The following TYW1 variants were observed in gnomAD, a reference collection of about 807,000 sequenced individuals.
The protein encoded by TYW1 is tRNA-yW synthesizing protein 1 homolog, also known as S-adenosyl-L-methionine-dependent tRNA 4-demethylwyosine synthase TYW1.
TYW1 carries 46 observed loss-of-function variants against 96.2 expected under a neutral mutation model. That is an observed-to-expected ratio of 0.48 (90% confidence interval 0.38 to 0.61). TYW1 has a LOEUF of 0.61. TYW1 is among the 20% of genes least tolerant of loss of function. The probability of loss-of-function intolerance (pLI) is 0.00; values close to 1 mark genes in which losing one functional copy is unlikely to be tolerated. For missense variants in TYW1, 684 were observed against 909.6 expected, an observed-to-expected ratio of 0.75 and a Z score of 3.19; for synonymous variants, 274 against 323.0, an observed-to-expected ratio of 0.85 and a Z score of 1.63.
At chr7:67,010,518 C>A (rs1028441761) in intron 4 of TYW1, among the ~76,000 whole-genome samples, 1 of 151,592 alleles carries the variant, frequency 6.6e-6, no homozygotes, top group Non-Finnish European at 1.5e-5. Flanking sequence ...CTCTGTCACC[C>A]AGGCTGGAGT....
At chr7:67,054,979 G>T (rs1476167170) in intron 8 of TYW1, among the ~76,000 whole-genome samples, 1 of 152,088 alleles carries the variant, frequency 6.6e-6, no homozygotes, top group Non-Finnish European at 1.5e-5. Context: ...TTCTCTCTTT[G>T]GGTCAGCATT....
At chr7:67,177,956 C>G (rs1175080855) in intron 13 of TYW1, among the ~76,000 whole-genome samples, 1 of 147,038 alleles carries the variant, frequency 6.8e-6, no homozygotes, top group Non-Finnish European at 1.5e-5. Flanking sequence ...GAGTTCGAGA[C>G]CAGCCTGGGC....
At position 67,238,390 on chromosome 7, in the gene TYW1, G is replaced by A. The variant is rs1479319818; in HGVS notation, c.2060G>A (p.Gly687Glu). ...ATCCAGGAATATGAAGATAGTGGTG[G>A]ATCAAAAACGTTCAGCGCAAAGGAT... ...ELIQEYEDSG[G>E]SKTFSAKDYM... Residue 687 changes from glycine (G) to glutamate (E), a missense_variant, in exon 16 of 16, where the codon GGA (glycine) becomes GAA (glutamate). By Grantham distance (98) the Gly-to-Glu change is moderately conservative (BLOSUM62 -2). Transcript: ENST00000359626. 1.9e-6 allele frequency: 3 copies of A among 1,613,652 alleles called. No individual in the cohort carries two copies. The highest frequency in any genetic ancestry group is 2.5e-6 in the Non-Finnish European group (3 of 1,179,816).
At chr7:67,020,346 C>T (rs1351257078) in intron 6 of TYW1, among the ~76,000 whole-genome samples, 1 of 25,830 alleles carries the variant, frequency 3.9e-5, no homozygotes, top group South Asian at 1.2e-3. Context: ...TCAAGCAGTT[C>T]TCCTGCCTCA....
chr7:67,150,454 C>T (rs1798759913), intron 13 of TYW1, among the ~76,000 whole-genome samples: 1 of 152,136 alleles, frequency 6.6e-6, no homozygotes, highest in African/African-American at 2.4e-5. Flanking sequence ...AAGATTATAT[C>T]CTACAACATC....
intron 13 of TYW1, among the ~76,000 whole-genome samples, chr7:67,146,540 A>AG (rs1200563410): frequency 6.6e-6 from 1 of 151,970 alleles, no homozygotes; most frequent in Non-Finnish European, 1.5e-5. Context: ...GTGTAAACAA[A>AG]GCCCAACCAC....
intron 15 of TYW1, among the ~76,000 whole-genome samples, chr7:67,207,314 T>G (rs531942582): frequency 3.3e-4 from 51 of 152,352 alleles, no homozygotes; most frequent in African/African-American, 1.2e-3. Context: ...TTGTCTTCCC[T>G]TCTGGAATCA....
intron 13 of TYW1, among the ~76,000 whole-genome samples, chr7:67,156,992 A>G (rs1231247589): frequency 6.6e-6 from 1 of 151,952 alleles, no homozygotes; most frequent in Non-Finnish European, 1.5e-5. Flanking sequence ...TCTGTGTCTT[A>G]GACATTCTCA....
intron 3 of TYW1, among the ~76,000 whole-genome samples, chr7:67,007,584 G>A (rs560750394): frequency 6.6e-6 from 1 of 152,000 alleles, no homozygotes; most frequent in Admixed American, 6.6e-5. Flanking sequence ...TATCCAAACC[G>A]TATCAGTCCT....
chr7:67,083,805 C>T lies in TYW1; in HGVS notation c.1384+266C>T, dbSNP rs112989226. Reference sequence around the variant, plus strand: ...ATCCCAGCACTTTGGGAGGCCGAGGCGGGTGGATCACCTGAGGTCAGGAGT... The same window carrying T: ...ATCCCAGCACTTTGGGAGGCCGAGGTGGGTGGATCACCTGAGGTCAGGAGT... On this transcript the variant is annotated intron_variant, in intron 11 of 15. Transcript: ENST00000359626. 0.064 allele frequency among the ~76,000 whole-genome samples: 9,793 copies of T among 152,242 alleles called. 437 individuals are homozygous for T. Among genetic ancestry groups the T allele is most frequent in the South Asian group, 0.11 (552 of 4,826 alleles).
At chr7:67,005,274 G>A (rs1277017112) in intron 3 of TYW1, among the ~76,000 whole-genome samples, 1 of 151,976 alleles carries the variant, frequency 6.6e-6, no homozygotes, top group African/African-American at 2.4e-5. Context: ...ATCTCACTGG[G>A]GTTCTCTGCA....
chr7:67,156,120 G>C (rs955687040), intron 13 of TYW1, among the ~76,000 whole-genome samples: 1 of 152,200 alleles, frequency 6.6e-6, no homozygotes, highest in African/African-American at 2.4e-5. Context: ...CTGGATGGCA[G>C]ACAAAGATGC....
intron 12 of TYW1, among the ~76,000 whole-genome samples, chr7:67,101,500 G>T (rs35814273): frequency 6.6e-6 from 1 of 151,994 alleles, no homozygotes; most frequent in Non-Finnish European, 1.5e-5. Flanking sequence ...ATTCGCACAC[G>T]CAGTCAGCTT....
chr7:67,172,045 T>C (rs1210474580), intron 13 of TYW1, among the ~76,000 whole-genome samples: 4 of 152,148 alleles, frequency 2.6e-5, no homozygotes, highest in African/African-American at 9.6e-5. Context: ...TGAGTGTTTA[T>C]AGTTTGCATG....
intron 13 of TYW1, among the ~76,000 whole-genome samples, chr7:67,144,534 T>C (rs141213292): frequency 0.093 from 14,194 of 152,202 alleles, 765 homozygotes; most frequent in Middle Eastern, 0.15. Flanking sequence ...TGCAGTGGCA[T>C]GATCTCAGCT....
intron 12 of TYW1, among the ~76,000 whole-genome samples, chr7:67,099,516 T>G (rs1439251707): frequency 1.3e-5 from 2 of 151,978 alleles, no homozygotes; most frequent in Non-Finnish European, 2.9e-5. Context: ...GTTAGAAAGG[T>G]TGGGATTAGA....
At chr7:67,088,038 A>G (rs1353814364) in intron 11 of TYW1, among the ~76,000 whole-genome samples, 1 of 151,910 alleles carries the variant, frequency 6.6e-6, no homozygotes, top group Admixed American at 6.6e-5. Flanking sequence ...CTAATTTAAA[A>G]ATTTTTAATA....
At chr7:67,211,650 T>C (rs1259907680) in intron 15 of TYW1, among the ~76,000 whole-genome samples, 1 of 152,190 alleles carries the variant, frequency 6.6e-6, no homozygotes, top group African/African-American at 2.4e-5. Context: ...TCCCCATGGG[T>C]CATTCTAGCC....
chr7:67,083,470 A>G lies in TYW1; in HGVS notation c.1315A>G (p.Met439Val). The change falls in exon 11 of 16, where the codon ATG becomes GTG. Residue 439 changes from methionine to valine, a missense_variant. By Grantham distance (21) the Met-to-Val change is conservative. Coordinates refer to ENST00000359626, the MANE Select transcript of TYW1 (RefSeq NM_018264.4). ...CGTGGGCACTGAGTGGCGGTGGAAG[A>G]TGGACCAGCCTGAAATGATCTTGAA... ...NPVGTEWRWK[M>V]DQPEMILKEA... 6.2e-7 allele frequency: 1 copy of G among 1,614,220 alleles called. No homozygotes were observed. Among genetic ancestry groups the G allele is most frequent in the Non-Finnish European group, 8.5e-7 (1 of 1,180,022 alleles).
Sources: gnomAD v4.1 joint callset for allele counts (sites outside exome capture counted in the v4.1 genomes callset) on GRCh38, gnomAD v4.1.1 for gene constraint, MANE v1.5 for transcripts, NCBI Gene and HGNC (gene_info 2026-07-23, HGNC 2026-07-21) for gene names.